The following SYNE1 variants were observed in gnomAD, a reference collection of about 807,000 sequenced individuals.
SYNE1 encodes the protein nesprin-1.
In SYNE1, 616 loss-of-function variants were observed where a neutral mutation model predicts 1,111.0. The observed-to-expected ratio is 0.55, with a 90% CI of 0.52 to 0.59. The LOEUF (loss-of-function observed/expected upper bound fraction) is 0.59, where lower values mean the gene tolerates loss of function less well. SYNE1 is among the 20% of genes least tolerant of loss of function. The pLI is 0.00. For missense variants in SYNE1, 10,006 were observed against 10,417.0 expected, an observed-to-expected ratio of 0.96 and a Z score of 1.72; for synonymous variants, 3,855 against 3,825.8, an observed-to-expected ratio of 1.01 and a Z score of -0.28.
intron 8 of SYNE1, among the ~76,000 whole-genome samples, chr6:152,505,818 C>T (rs913191780): frequency 9.2e-6 from 1 of 108,792 alleles, no homozygotes; most frequent in African/African-American, 5.0e-5. Flanking sequence ...CAGTAATTAA[C>T]CACTGTAAAT....
At chr6:152,388,464 A>C (rs1006806057) in intron 53 of SYNE1, among the ~76,000 whole-genome samples, 7 of 152,106 alleles carry the variant, frequency 4.6e-5, no homozygotes, top group Non-Finnish European at 8.8e-5. Context: ...GACTTCAGAT[A>C]ATTTTTGCAT....
intron 2 of SYNE1, among the ~76,000 whole-genome samples, chr6:152,628,842 T>C (rs1342112501): frequency 6.6e-6 from 1 of 152,184 alleles, no homozygotes; most frequent in Non-Finnish European, 1.5e-5. Flanking sequence ...ATCAACTTTT[T>C]CCATTGATCT....
intron 40 of SYNE1, among the ~76,000 whole-genome samples, chr6:152,417,714 T>G (rs2098184371): frequency 6.6e-6 from 1 of 152,164 alleles, no homozygotes; most frequent in Admixed American, 6.5e-5. Flanking sequence ...TGTATTTAGA[T>G]ATCTCATATT....
chr6:152,198,025 G>T (rs1022298293), intron 127 of SYNE1, among the ~76,000 whole-genome samples: 7 of 151,678 alleles, frequency 4.6e-5, no homozygotes, highest in African/African-American at 1.7e-4. Flanking sequence ...GGGGAGGGGA[G>T]GGGAGAAGGA....
chr6:152,173,721 G>A (rs773822599), intron 130 of SYNE1, among the ~76,000 whole-genome samples: 9 of 152,172 alleles, frequency 5.9e-5, no homozygotes, highest in Non-Finnish European at 1.3e-4. Flanking sequence ...AATTTGGAAG[G>A]AGGCAATTAG....
At position 152,354,819 on chromosome 6, in the gene SYNE1, G is replaced by C. The variant is rs201487756; in HGVS notation, c.10766C>G (p.Thr3589Ser). Residue 3589 changes from threonine to serine, a missense_variant, in exon 67 of 146, where the codon ACT becomes AGT. Thr to Ser is a moderately conservative substitution (Grantham distance 58). This residue lies in a region of SYNE1 where 4,955 missense variants were observed against 5,017.2 expected (regional missense o/e 0.99). Transcript: ENST00000367255. ...WQAYQHRLSE[T>S]RTQFNNVVNK... Reference sequence around the variant, plus strand: ...CACCACGTTATTGAACTGAGTTCGAGTCTCGGACAGCCTGTGCTGGTAAGC... The same window carrying C: ...CACCACGTTATTGAACTGAGTTCGACTCTCGGACAGCCTGTGCTGGTAAGC... 2 of 1,614,132 alleles carry C rather than the reference G, an allele frequency of 1.2e-6. No homozygotes were observed. The highest frequency in any genetic ancestry group is 2.2e-5 in the South Asian group (2 of 91,082).
chr6:152,204,107 T>A (rs1328422929), intron 126 of SYNE1, among the ~76,000 whole-genome samples: 1 of 152,160 alleles, frequency 6.6e-6, no homozygotes, highest in African/African-American at 2.4e-5. Context: ...CCCACACCTA[T>A]AATCCTAGCA....
At chr6:152,140,735 T>C (rs2152805237) in intron 139 of SYNE1, among the ~76,000 whole-genome samples, 1 of 152,248 alleles carries the variant, frequency 6.6e-6, no homozygotes, top group East Asian at 1.9e-4. Context: ...ATCCCCTCAC[T>C]GTCAAAGGAG....
chr6:152,496,777 C>A (rs545633431), intron 11 of SYNE1, among the ~76,000 whole-genome samples: 2 of 152,228 alleles, frequency 1.3e-5, no homozygotes, highest in South Asian at 4.2e-4. Context: ...TCCAAGTCTG[C>A]ACGTATACAT....
Position 152,465,473 on chromosome 6 carries a change from A to C in SYNE1, c.1730-13T>G. ...TCAGCTTCTTCCACTGAAACAGATAAAACCAATTATAACCCTTATCTCATA... is the reference window on the plus strand; with the variant it reads ...TCAGCTTCTTCCACTGAAACAGATACAACCAATTATAACCCTTATCTCATA... On this transcript the variant is annotated splice_polypyrimidine_tract_variant and intron_variant, in intron 17 of 145. Coordinates refer to ENST00000367255, the MANE Select transcript of SYNE1 (RefSeq NM_182961.4). 3.7e-6 allele frequency: 6 copies of C among 1,610,222 alleles called. No individual in the cohort carries two copies. The highest frequency in any genetic ancestry group is 5.1e-6 in the Non-Finnish European group (6 of 1,178,046).
chr6:152,397,220 C>T (rs2097747933), intron 49 of SYNE1, among the ~76,000 whole-genome samples: 1 of 152,202 alleles, frequency 6.6e-6, no homozygotes, highest in African/African-American at 2.4e-5. Context: ...AGGACGTTCT[C>T]ACCAAGGTCT....
At chr6:152,271,576 T>C (rs2093214091) in intron 98 of SYNE1, among the ~76,000 whole-genome samples, 1 of 152,194 alleles carries the variant, frequency 6.6e-6, no homozygotes, top group Non-Finnish European at 1.5e-5. Flanking sequence ...TTCCTAGAGA[T>C]GGGAAGTTTG....
chr6:152,323,856 C>T (rs2095962175), intron 81 of SYNE1, 119 bp from the exon 82 acceptor site: 2 of 1,224,702 alleles, frequency 1.6e-6, no homozygotes, highest in Non-Finnish European at 2.3e-6. Context: ...GATATAAATT[C>T]CACATGTTAG....
chr6:152,240,065 G>A (rs2085212068), intron 107 of SYNE1, among the ~76,000 whole-genome samples: 2 of 152,152 alleles, frequency 1.3e-5, no homozygotes, highest in South Asian at 4.1e-4. Flanking sequence ...ACCCAGCGCT[G>A]GAGCTGAGTA....
intron 91 of SYNE1, 35 bp from the exon 92 acceptor site, chr6:152,302,098 C>G (rs773799622): frequency 6.2e-7 from 1 of 1,613,646 alleles, no homozygotes; most frequent in Admixed American, 1.7e-5. Context: ...GGTGTCAGAG[C>G]AGCATCAAAA....
chr6:152,136,131 C>G (rs1411008437), intron 141 of SYNE1, among the ~76,000 whole-genome samples: 1 of 152,164 alleles, frequency 6.6e-6, no homozygotes. Flanking sequence ...TAACTATTTG[C>G]TTGCATTTTA....
chr6:152,484,756 A>T (rs1753582493), intron 13 of SYNE1, 79 bp downstream of exon 13: 2 of 1,491,332 alleles, frequency 1.3e-6, no homozygotes, highest in South Asian at 2.3e-5. Context: ...TTGCCATACC[A>T]CTGTGTAGAA....
intron 32 of SYNE1, among the ~76,000 whole-genome samples, chr6:152,437,883 C>G (rs1185336305): frequency 6.6e-6 from 1 of 152,086 alleles, no homozygotes; most frequent in Non-Finnish European, 1.5e-5. Flanking sequence ...CTAAATAATA[C>G]TATTATATCT....
intron 31 of SYNE1, 117 bp downstream of exon 31, chr6:152,441,958 A>T: frequency 8.0e-7 from 1 of 1,255,318 alleles, no homozygotes; most frequent in Non-Finnish European, 1.2e-6. Flanking sequence ...ACAGAATTTA[A>T]CACAGGGCTG....
Sources: allele counts gnomAD v4.1 joint callset (sites outside exome capture counted in the v4.1 genomes callset), GRCh38; gene constraint gnomAD v4.1.1; regional missense constraint gnomAD v4.1.1; transcripts MANE v1.5; gene names NCBI Gene and HGNC (gene_info 2026-07-23, HGNC 2026-07-21).